Variants in SGK1 observed in about 807,000 individuals in gnomAD.
The protein encoded by SGK1 is serine/threonine-protein kinase Sgk1.
In SGK1, 26 loss-of-function variants were observed where a neutral mutation model predicts 64.2. The observed-to-expected ratio is 0.40, with a 90% CI of 0.30 to 0.56. SGK1 has a LOEUF of 0.56. Among genes scored for constraint, SGK1 ranks in the 20% least tolerant of loss-of-function variants. SGK1 has a pLI of 0.38. For missense variants in SGK1, 519 were observed against 645.6 expected (o/e 0.80, Z 2.12); for synonymous variants, 265 against 239.7 (o/e 1.11, Z -0.98).
At chr6:134,174,816 CG>C in intron 3 of SGK1, 1 of 1,614,056 alleles carries the variant, frequency 6.2e-7, no homozygotes, top group South Asian at 1.1e-5. Context: ...ATCACCACCG[CG>C]GGGAGACAGA....
chr6:134,265,408 C>A (rs1297477493), intron 1 of SGK1, among the ~76,000 whole-genome samples: 1 of 151,314 alleles, frequency 6.6e-6, no homozygotes, highest in Non-Finnish European at 1.5e-5. Context: ...TGTGGTGAAC[C>A]AAGATCATGC....
intron 2 of SGK1, among the ~76,000 whole-genome samples, chr6:134,253,190 G>A (rs190201584): frequency 3.1e-4 from 47 of 152,228 alleles, no homozygotes; most frequent in African/African-American, 1.1e-3. Flanking sequence ...AAGAGACATG[G>A]GTCAGAATCC....
chr6:134,234,256 AGCCTGGTGTGGTGGCATGT>A (rs2114717559), intron 2 of SGK1, among the ~76,000 whole-genome samples: 1 of 152,196 alleles, frequency 6.6e-6, no homozygotes, highest in South Asian at 2.1e-4. Flanking sequence ...ACAAAAAATT[AGCCTGGTGTGGTGGCATGT>A]GCCTGTAATC....
chr6:134,222,275 A>G (rs1776101305), intron 2 of SGK1, among the ~76,000 whole-genome samples: 1 of 152,088 alleles, frequency 6.6e-6, no homozygotes, highest in South Asian at 2.1e-4. Flanking sequence ...TTCTTTGCAT[A>G]AAGATGTAGA....
chr6:134,191,133 G>C (rs1258746859), intron 3 of SGK1, among the ~76,000 whole-genome samples: 1 of 152,162 alleles, frequency 6.6e-6, no homozygotes, highest in Admixed American at 6.6e-5. Context: ...GTGTTTATGT[G>C]TATAAAGGAC....
chr6:134,194,991 C>T (rs1775575578), intron 3 of SGK1, among the ~76,000 whole-genome samples: 1 of 152,104 alleles, frequency 6.6e-6, no homozygotes, highest in East Asian at 1.9e-4. Context: ...TGATCTGCTG[C>T]CATATTAGTT....
intron 1 of SGK1, among the ~76,000 whole-genome samples, chr6:134,290,150 CAAAAAAAAA>C (rs35039086): frequency 1.1e-4 from 8 of 75,940 alleles, no homozygotes; most frequent in African/African-American, 1.8e-4. Flanking sequence ...AGCTCCTTCT[CAAAAAAAAA>C]AAAAAAAAAA....
At chr6:134,316,566 C>T (rs1054229170) in intron 1 of SGK1, among the ~76,000 whole-genome samples, 11 of 152,046 alleles carry the variant, frequency 7.2e-5, no homozygotes, top group Admixed American at 5.9e-4. Context: ...GTGTGGCCAT[C>T]CCAGTGAACT....
chr6:134,278,785 T>C lies in SGK1; in HGVS notation c.70-16637A>G, dbSNP rs141307035. ...GATAAAAGAATGTATTGAGAATAAA[T>C]TGGAAATGTTCAAAGATCCTATGGA... On this transcript the variant is annotated intron_variant, in intron 1 of 13. Transcript: ENST00000367858. 1.2e-4 allele frequency among the ~76,000 whole-genome samples: 18 copies of C among 152,014 alleles called. No homozygotes were observed. The East Asian group carries it at 3.5e-3, about 29-fold the overall frequency.
chr6:134,262,001 C>T lies in SGK1; in HGVS notation c.217G>A (p.Ala73Thr). The change falls in exon 2 of 14, where the codon GCT becomes ACT. Residue 73 changes from alanine (A) to threonine (T), a missense_variant. By Grantham distance (58) the Ala-to-Thr change is moderately conservative. Around this residue, in one of 2 missense-constraint regions of SGK1, gnomAD observed 241 missense variants for 236.9 expected, o/e 1.02. Transcript: ENST00000367858. ...SLCQTCLGEH[A>T]FQRGVLPQEN... ...TGAGGGAGAACCCCTCTTTGGAAAG[C>T]ATGTTCACCCAGGCATGTTTGACAC... 1 of 1,613,946 alleles carries T rather than the reference C, an allele frequency of 6.2e-7. No homozygotes were observed.
chr6:134,250,638 TA>T (rs1270422851), intron 2 of SGK1, among the ~76,000 whole-genome samples: 2 of 152,248 alleles, frequency 1.3e-5, no homozygotes, highest in Admixed American at 1.3e-4. Flanking sequence ...ATCAAGGTGA[TA>T]TTAATGGTTT....
At chr6:134,278,241 T>C (rs1458775526) in intron 1 of SGK1, among the ~76,000 whole-genome samples, 1 of 152,228 alleles carries the variant, frequency 6.6e-6, no homozygotes, top group African/African-American at 2.4e-5. Flanking sequence ...CATTCTTCCA[T>C]AACTTTGCAT....
At chr6:134,243,061 C>T (rs529229594) in intron 2 of SGK1, among the ~76,000 whole-genome samples, 5 of 150,378 alleles carry the variant, frequency 3.3e-5, no homozygotes, top group African/African-American at 1.2e-4. Flanking sequence ...ACACCCAAAA[C>T]ACATCTTAGA....
intron 1 of SGK1, among the ~76,000 whole-genome samples, chr6:134,301,005 G>A (rs547855714): frequency 6.6e-6 from 1 of 152,264 alleles, no homozygotes; most frequent in Non-Finnish European, 1.5e-5. Context: ...AGAAAAGAAA[G>A]AGAAATAATT....
rs775601828 is a variant in SGK1 at position 134,173,370 on chromosome 6, T to C, written c.619-13A>G. 2 of 1,607,770 alleles carry C rather than the reference T, an allele frequency of 1.2e-6. No homozygotes were observed. The highest frequency in any genetic ancestry group is 1.7e-6 in the Non-Finnish European group (2 of 1,175,052). Reference sequence around the variant, plus strand: ...TTGCTAGAAGAACCTGAAATTTCAATTTAAAAAAATCATTTTTCTATCCTC... The same window carrying C: ...TTGCTAGAAGAACCTGAAATTTCAACTTAAAAAAATCATTTTTCTATCCTC... On this transcript the variant is annotated splice_polypyrimidine_tract_variant and intron_variant, in intron 6 of 13. Transcript: ENST00000367858.
intron 1 of SGK1, among the ~76,000 whole-genome samples, chr6:134,305,780 G>A (rs540764884): frequency 2.6e-4 from 39 of 151,958 alleles, no homozygotes; most frequent in Non-Finnish European, 4.9e-4. Context: ...CCAAAGTGCT[G>A]GAATTACAGG....
intron 2 of SGK1, among the ~76,000 whole-genome samples, chr6:134,246,464 G>A (rs1199615023): frequency 1.3e-5 from 2 of 151,898 alleles, no homozygotes; most frequent in Admixed American, 6.6e-5. Flanking sequence ...GCCCTTGTTT[G>A]ATTCCTTTTA....
intron 3 of SGK1, among the ~76,000 whole-genome samples, chr6:134,200,932 CTACAT>C (rs1457069066): frequency 6.6e-6 from 1 of 151,624 alleles, no homozygotes; most frequent in African/African-American, 2.4e-5. Flanking sequence ...AGATTACACA[CTACAT>C]TAAATAAATA....
intron 3 of SGK1, among the ~76,000 whole-genome samples, chr6:134,203,890 C>T (rs1272398897): frequency 6.6e-6 from 1 of 151,868 alleles, no homozygotes; most frequent in African/African-American, 2.4e-5. Flanking sequence ...GTGGCAAAAC[C>T]CCGTCTCTAC....
Sources: allele counts gnomAD v4.1 joint callset (sites outside exome capture counted in the v4.1 genomes callset), GRCh38; gene constraint gnomAD v4.1.1; regional missense constraint gnomAD v4.1.1; transcripts MANE v1.5; gene names NCBI Gene and HGNC (gene_info 2026-07-23, HGNC 2026-07-21).